SUPT20H: variants seen among roughly 807,000 people sequenced by gnomAD.
SUPT20H encodes SPT20 homolog, SAGA complex component.
In SUPT20H, 82 loss-of-function variants were observed where a neutral mutation model predicts 122.8. The observed-to-expected ratio is 0.67, with a 90% confidence interval of 0.56 to 0.80. The LOEUF is 0.80. SUPT20H is among the 30% of genes least tolerant of loss of function. The pLI, the probability that SUPT20H is intolerant of heterozygous loss-of-function variation, is 0.00. For synonymous variants in SUPT20H, 291 were observed against 313.0 expected (o/e 0.93, Z 0.74); for missense variants, 831 against 921.6 (o/e 0.90, Z 1.27).
Position 37,047,938 on chromosome 13 carries a change from TA to T in SUPT20H, c.40-3del. On this transcript the variant is annotated splice_region_variant and splice_polypyrimidine_tract_variant and intron_variant, in intron 3 of 25. Transcript: ENST00000350612. ...CTGTCGGGCACTTTCAATGACATAC[TA>T]AAAAACAAAAGTTTATGAGAACAGC... The T allele has an allele frequency of 1.2e-6, 2 of 1,600,864 alleles. No homozygotes were observed. The highest frequency in any genetic ancestry group is 1.7e-6 in the Non-Finnish European group (2 of 1,173,608).
chr13:37,025,989 G>T (rs987142530), intron 16 of SUPT20H: 2 of 390,898 alleles, frequency 5.1e-6, no homozygotes, highest in Non-Finnish European at 9.2e-6. Context: ...TATTTTTCTA[G>T]AATCAGTAAG....
At position 37,044,063 on chromosome 13, in the gene SUPT20H, A is replaced by T. The variant is rs2065978737; in HGVS notation, c.396+15T>A. 1 of 1,576,072 alleles carries T rather than the reference A, an allele frequency of 6.3e-7. No individual in the cohort carries two copies. The highest frequency in any genetic ancestry group is 1.7e-5 in the Admixed American group (1 of 58,728). ...TAACAAATATAAAGACATTTTAAAG[A>T]CAAAAATTTTGTACCTGAGATTTTT... is the stretch of plus-strand genomic sequence containing the variant. On this transcript the variant is annotated intron_variant, in intron 7 of 25. Transcript: ENST00000350612.
At chr13:37,029,666 G>A in intron 13 of SUPT20H, 99 bp downstream of exon 13, 1 of 954,620 alleles carries the variant, frequency 1.0e-6, no homozygotes, top group Non-Finnish European at 1.6e-6. Flanking sequence ...AAAGAAAAAA[G>A]GTCCCAAACT....
At chr13:37,026,533 A>T (rs936109273) in intron 15 of SUPT20H, among the ~76,000 whole-genome samples, 1 of 152,112 alleles carries the variant, frequency 6.6e-6, no homozygotes, top group Non-Finnish European at 1.5e-5. Context: ...ACCAAGTGCT[A>T]TATACCCTTA....
intron 1 of SUPT20H, among the ~76,000 whole-genome samples, chr13:37,056,713 T>G (rs566301861): frequency 1.3e-4 from 19 of 151,240 alleles, no homozygotes; most frequent in Non-Finnish European, 2.4e-4. Context: ...CATGTATACA[T>G]ATGTAACAAA....
Position 37,024,117 on chromosome 13 carries a change from A to G in SUPT20H, c.1509T>C (p.Ser503=). 1 of 1,613,894 alleles carries G rather than the reference A, an allele frequency of 6.2e-7. No individual in the cohort carries two copies. Among genetic ancestry groups the G allele is most frequent in the Non-Finnish European group, 8.5e-7 (1 of 1,179,828 alleles). ...GATCCACAGATGATTTCCGAGGAATACTTGATGGCTTAGAAGAAGGAGGAG... is the reference window on the plus strand; with the variant it reads ...GATCCACAGATGATTTCCGAGGAATGCTTGATGGCTTAGAAGAAGGAGGAG... ...PTPPPSSKPS[S]IPRKSSVDLN... Residue 503 remains serine, a synonymous_variant, in exon 19 of 26, where the codon AGT becomes AGC. Coordinates refer to ENST00000350612, the MANE Select transcript of SUPT20H (RefSeq NM_001014286.3).
chr13:37,021,492 A>G lies in SUPT20H; in HGVS notation c.1772T>C (p.Leu591Pro). 1.2e-6 allele frequency: 2 copies of G among 1,613,962 alleles called. No individual in the cohort carries two copies. Among genetic ancestry groups the G allele is most frequent in the Non-Finnish European group, 1.7e-6 (2 of 1,179,946 alleles). ...CATTGCACTGGGCAGTGCATTTGGTAGCAGACCTCCTGAGGGTAGAAGGCC... is the reference window on the plus strand; with the variant it reads ...CATTGCACTGGGCAGTGCATTTGGTGGCAGACCTCCTGAGGGTAGAAGGCC... ...LSGLLPSGGL[L>P]PNALPSAMQA... Residue 591 changes from leucine to proline, a missense_variant, in exon 21 of 26, where the codon CTA becomes CCA. Physicochemically the swap from Leu to Pro is moderately conservative, Grantham distance 98. Coordinates refer to ENST00000350612, the MANE Select transcript of SUPT20H (RefSeq NM_001014286.3).
intron 19 of SUPT20H, chr13:37,023,060 A>T: frequency 7.8e-7 from 1 of 1,282,130 alleles, no homozygotes; most frequent in Non-Finnish European, 1.0e-6. Context: ...GAAAGAAAGG[A>T]AAGAAATGTG....
intron 3 of SUPT20H, 71 bp from the exon 4 acceptor site, chr13:37,048,007 C>G: frequency 8.7e-7 from 1 of 1,153,142 alleles, no homozygotes; most frequent in African/African-American, 1.6e-5. Context: ...TTGAGTATAT[C>G]TAAAACATAC....
chr13:37,015,823 A>G (rs147915862), intron 23 of SUPT20H, among the ~76,000 whole-genome samples: 25 of 152,334 alleles, frequency 1.6e-4, no homozygotes, highest in African/African-American at 5.8e-4. Context: ...TATGGTATAT[A>G]CAAGTATTAT....
rs749108610 is a variant in SUPT20H, at chr13:37,028,234, C to T, written c.1065G>A (p.Leu355=). 2 of 1,613,296 alleles carry T rather than the reference C, an allele frequency of 1.2e-6. No individual in the cohort carries two copies. The highest frequency in any genetic ancestry group is 1.3e-5 in the African/African-American group (1 of 74,862). The change falls in exon 14 of 26, where the codon TTG becomes TTA. Residue 355 remains leucine (L), a synonymous_variant. Coordinates refer to ENST00000350612, the MANE Select transcript of SUPT20H (RefSeq NM_001014286.3). The part of the protein sequence containing the change: ...TQYQKTKLTI[L]QSLGDPLYYG... ...AGTAAAGTGGATCTCCAAGCGACTGCAAGATGGTCAGCTTTGTTTTCTGAT... is the reference window on the plus strand; with the variant it reads ...AGTAAAGTGGATCTCCAAGCGACTGTAAGATGGTCAGCTTTGTTTTCTGAT...
chr13:37,028,645 A>C (rs2062748985), intron 13 of SUPT20H, among the ~76,000 whole-genome samples: 1 of 152,130 alleles, frequency 6.6e-6, no homozygotes, highest in African/African-American at 2.4e-5. Flanking sequence ...CACTGTTCTC[A>C]GCACTCTACA....
chr13:37,017,438 TA>T, intron 22 of SUPT20H, 74 bp from the exon 23 acceptor site: 1 of 1,424,636 alleles, frequency 7.0e-7, no homozygotes, highest in Non-Finnish European at 9.4e-7. Context: ...ATTCTACAAA[TA>T]TTTTTGGATC....
At chr13:37,059,004 T>C (rs2069948254) in intron 1 of SUPT20H, among the ~76,000 whole-genome samples, 1 of 152,208 alleles carries the variant, frequency 6.6e-6, no homozygotes, top group Admixed American at 6.5e-5. Flanking sequence ...CACTACGCAG[T>C]GGCTACGGGA....
intron 23 of SUPT20H, among the ~76,000 whole-genome samples, chr13:37,015,407 C>T (rs1055479678): frequency 6.6e-6 from 1 of 150,868 alleles, no homozygotes; most frequent in African/African-American, 2.4e-5. Flanking sequence ...ATGCTCCACA[C>T]CACTAGTCAT....
intron 10 of SUPT20H, among the ~76,000 whole-genome samples, chr13:37,032,466 A>C (rs752615457): frequency 1.6e-4 from 24 of 152,188 alleles, no homozygotes; most frequent in Non-Finnish European, 3.4e-4. Flanking sequence ...CACAAGACAA[A>C]CCACTGCCCC....
At chr13:37,056,821 C>T (rs929567492) in intron 1 of SUPT20H, 2 of 151,770 alleles carry the variant, frequency 1.3e-5, no homozygotes, top group African/African-American at 2.4e-5. Context: ...GAGTTCTTAT[C>T]CTGGCTGCAC....
chr13:37,032,154 G>C (rs572132131), intron 10 of SUPT20H, among the ~76,000 whole-genome samples: 1 of 152,214 alleles, frequency 6.6e-6, no homozygotes, highest in African/African-American at 2.4e-5. Flanking sequence ...TCAGATTTCA[G>C]ACACCAAGAA....
intron 9 of SUPT20H, among the ~76,000 whole-genome samples, chr13:37,035,613 T>G (rs1352067322): frequency 6.6e-6 from 1 of 151,734 alleles, no homozygotes; most frequent in Non-Finnish European, 1.5e-5. Flanking sequence ...CTTCACCTCC[T>G]GGGTTCAAGC....
Sources: allele counts gnomAD v4.1 joint callset (sites outside exome capture counted in the v4.1 genomes callset), GRCh38; gene constraint gnomAD v4.1.1; transcripts MANE v1.5; gene names NCBI Gene and HGNC (gene_info 2026-07-23, HGNC 2026-07-21).